The following ZNF516 variants were observed in gnomAD, a reference collection of about 807,000 sequenced individuals.
The protein encoded by ZNF516 is zinc finger protein 516.
Under a neutral mutation model 79.7 loss-of-function variants are expected in ZNF516, and 19 were observed. The observed-to-expected ratio is 0.24, with a 90% CI of 0.17 to 0.35. The LOEUF (loss-of-function observed/expected upper bound fraction) is 0.35, where lower values mean the gene tolerates loss of function less well. Among genes scored for constraint, ZNF516 ranks in the 10% least tolerant of loss-of-function variants. The pLI is 1.00. For missense variants in ZNF516, 1,678 were observed against 1,679.5 expected, an observed-to-expected ratio of 1.00 and a Z score of 0.02; for synonymous variants, 877 against 739.5, an observed-to-expected ratio of 1.19 and a Z score of -3.02.
chr18:76,403,118 G>C (rs1208783756), intron 3 of ZNF516, among the ~76,000 whole-genome samples: 1 of 152,188 alleles, frequency 6.6e-6, no homozygotes, highest in African/African-American at 2.4e-5. Flanking sequence ...CTATTTCTCT[G>C]TAATTACCCA....
At chr18:76,471,910 C>T (rs1913866716) in intron 1 of ZNF516, among the ~76,000 whole-genome samples, 1 of 152,188 alleles carries the variant, frequency 6.6e-6, no homozygotes, top group Non-Finnish European at 1.5e-5. Flanking sequence ...AGGACTGTGT[C>T]CCTGCAGGGT....
chr18:76,440,742 TTGTGTG>T (rs138856557), intron 3 of ZNF516, among the ~76,000 whole-genome samples: 20 of 150,052 alleles, frequency 1.3e-4, no homozygotes, highest in South Asian at 4.2e-4. Flanking sequence ...GTGTGTGTGT[TTGTGTG>T]TGTGTGTGTG....
chr18:76,411,911 G>A (rs1428195482), intron 3 of ZNF516, among the ~76,000 whole-genome samples: 3 of 152,150 alleles, frequency 2.0e-5, no homozygotes, highest in Non-Finnish European at 4.4e-5. Flanking sequence ...ACTTAGATAA[G>A]AAAACTAGCA....
intron 3 of ZNF516, among the ~76,000 whole-genome samples, chr18:76,383,781 C>A (rs184847661): frequency 6.6e-6 from 1 of 152,356 alleles, no homozygotes; most frequent in East Asian, 1.9e-4. Flanking sequence ...TACAGAGAGG[C>A]GCAGGCCCAA....
At chr18:76,492,100 A>AG in intron 1 of ZNF516, 1 of 937,950 alleles carries the variant, frequency 1.1e-6, no homozygotes, top group Non-Finnish European at 1.3e-6. Flanking sequence ...GTCTCCCTGC[A>AG]GGGGTCTCCG....
rs981847992 is a variant in ZNF516, at chr18:76,441,330, A to G, written c.1725T>C (p.Cys575=). The G allele has an allele frequency of 1.2e-6, 2 of 1,611,794 alleles. No homozygotes were observed. Among genetic ancestry groups the G allele is most frequent in the African/African-American group, 1.3e-5 (1 of 75,024 alleles). The part of the protein sequence containing the change: ...ASQPSSPGSA[C]AAADSPGSGL... ...CAGAGCCCGGGGAGTCAGCAGCGGC[A>G]CAGGCGGAGCCAGGGCTGCTGGGCT... The change falls in exon 3 of 7, where the codon TGT becomes TGC. Residue 575 remains cysteine, a synonymous_variant. Transcript: ENST00000443185.
rs1915334952 is a variant in ZNF516, at chr18:76,493,146, C to T, written c.-272+1998G>A. 3 of 984,778 alleles carry T rather than the reference C, an allele frequency of 3.0e-6. No individual in the cohort carries two copies. Among genetic ancestry groups the T allele is most frequent in the African/African-American group, 3.5e-5 (2 of 57,066 alleles). 61.0% of individuals were successfully genotyped at this position (984,778 alleles called of 1,614,324 possible). On this transcript the variant is annotated intron_variant, in intron 1 of 6. Transcript: ENST00000443185. The surrounding 1 kb of genome is among the most constrained non-coding windows in gnomAD (Gnocchi z 5.2). ...CCTACCGTTTCATTTAATGGTAAAA[C>T]AACAGCAGAGCTCTGAAAGTTAGCC...
intron 3 of ZNF516, among the ~76,000 whole-genome samples, chr18:76,402,866 C>T (rs1487195914): frequency 6.6e-6 from 1 of 152,144 alleles, no homozygotes; most frequent in African/African-American, 2.4e-5. Flanking sequence ...TGATGCCCTC[C>T]GTGTTCCCAT....
chr18:76,388,824 G>C (rs1568250702), intron 3 of ZNF516: 2 of 152,288 alleles, frequency 1.3e-5, no homozygotes, highest in African/African-American at 4.8e-5. Flanking sequence ...AGATCAAACA[G>C]AAGCATCCTC....
At chr18:76,415,469 T>C (rs1415034890) in intron 3 of ZNF516, among the ~76,000 whole-genome samples, 2 of 152,118 alleles carry the variant, frequency 1.3e-5, no homozygotes, top group East Asian at 3.9e-4. Flanking sequence ...CCTTAGACTG[T>C]AAGTAAGTGG....
intron 3 of ZNF516, among the ~76,000 whole-genome samples, chr18:76,406,797 A>G (rs1055562801): frequency 6.6e-6 from 1 of 152,194 alleles, no homozygotes; most frequent in Non-Finnish European, 1.5e-5. Flanking sequence ...AAGTCCCCAC[A>G]GAATCCACTG....
intron 3 of ZNF516, among the ~76,000 whole-genome samples, chr18:76,428,363 A>C (rs1384809104): frequency 1.4e-5 from 2 of 147,520 alleles, no homozygotes; most frequent in Admixed American, 6.9e-5. Context: ...ACTGTACTCC[A>C]CCCTAGACAA....
chr18:76,475,593 G>A (rs1202581764), intron 1 of ZNF516, among the ~76,000 whole-genome samples: 1 of 152,124 alleles, frequency 6.6e-6, no homozygotes, highest in Admixed American at 6.5e-5. Flanking sequence ...TCCAACAGGA[G>A]ACAGGACAAA....
rs779675348 is a variant in ZNF516 at position 76,379,585 on chromosome 18, C to T, written c.2529G>A (p.Gly843=). 5.0e-6 allele frequency: 8 copies of T among 1,613,522 alleles called. No homozygotes were observed. In the South Asian group the frequency reaches 5.5e-5, roughly 11 times the overall value. The stretch of plus-strand genomic sequence containing the variant: ...AAGAGCCACTTTTGGACCCCGGCAT[C>T]CCCCCTGGCACCTGAGTGCGGGTGA... ...ARFTRTQVPG[G]MPGSKSGSSP... Residue 843 remains glycine (G), a synonymous_variant, in exon 4 of 7, where the codon GGG becomes GGA. Transcript: ENST00000443185.
chr18:76,362,607 G>A (rs151227119), intron 6 of ZNF516, 50 bp from the exon 7 acceptor site: 4 of 1,545,322 alleles, frequency 2.6e-6, no homozygotes, highest in African/African-American at 2.7e-5. Context: ...TCTGCCTTTT[G>A]GTTTCTAAAT....
intron 3 of ZNF516, among the ~76,000 whole-genome samples, chr18:76,414,974 G>T (rs1418894445): frequency 6.6e-6 from 1 of 152,244 alleles, no homozygotes; most frequent in Admixed American, 6.5e-5. Flanking sequence ...GAGGTGGGCA[G>T]ATCACCTGAG....
At chr18:76,470,204 T>G (rs1913743977) in intron 1 of ZNF516, among the ~76,000 whole-genome samples, 1 of 152,220 alleles carries the variant, frequency 6.6e-6, no homozygotes, top group African/African-American at 2.4e-5. Context: ...ACAATTCACG[T>G]TAACTGCTGA....
chr18:76,364,621 C>T (rs1261544249), intron 6 of ZNF516, among the ~76,000 whole-genome samples: 1 of 152,174 alleles, frequency 6.6e-6, no homozygotes, highest in Non-Finnish European at 1.5e-5. Context: ...TTCTCTCTTT[C>T]TTTTAGTAAG....
At chr18:76,489,242 G>C (rs751821666) in intron 1 of ZNF516, among the ~76,000 whole-genome samples, 21 of 152,266 alleles carry the variant, frequency 1.4e-4, no homozygotes, top group Admixed American at 3.3e-4. Context: ...ACTGAGTACT[G>C]GTTTTTCAAG....
Sources: allele counts gnomAD v4.1 joint callset (sites outside exome capture counted in the v4.1 genomes callset), GRCh38; gene constraint gnomAD v4.1.1; non-coding constraint Gnocchi (gnomAD v3.1); transcripts MANE v1.5; gene names NCBI Gene and HGNC (gene_info 2026-07-23, HGNC 2026-07-21).